Variants in RBFOX1 observed in about 807,000 individuals in gnomAD.
The protein encoded by RBFOX1 is RNA binding fox-1 homolog 1.
RBFOX1 carries 8 observed loss-of-function variants against 57.7 expected under a neutral mutation model. The observed-to-expected ratio is 0.14, with a 90% confidence interval of 0.08 to 0.25. The LOEUF is 0.25. Ranked by LOEUF, RBFOX1 falls within the 10% of genes least tolerant of loss-of-function variation. The pLI is 1.00. For synonymous variants in RBFOX1, 326 were observed against 222.4 expected (o/e 1.47, Z -4.15); for missense variants, 611 against 548.5 (o/e 1.11, Z -1.14).
At chr16:6,532,553 C>G (rs1382272596) in intron 2 of RBFOX1, among the ~76,000 whole-genome samples, 1 of 152,168 alleles carries the variant, frequency 6.6e-6, no homozygotes, top group Non-Finnish European at 1.5e-5. Flanking sequence ...ATATTCATCT[C>G]CCTCATGCTG....
At chr16:6,852,477 G>A (rs1396517277) in intron 3 of RBFOX1, among the ~76,000 whole-genome samples, 2 of 152,156 alleles carry the variant, frequency 1.3e-5, no homozygotes, top group African/African-American at 4.8e-5. Flanking sequence ...TGGCTTATTA[G>A]GGTAAGTGTG....
At chr16:6,390,070 G>C (rs2092518373) in intron 2 of RBFOX1, among the ~76,000 whole-genome samples, 1 of 152,206 alleles carries the variant, frequency 6.6e-6, no homozygotes, top group South Asian at 2.1e-4. Flanking sequence ...ACGGATACCT[G>C]AGAGAAGTCC....
chr16:6,309,958 A>G (rs2080037917), intron 1 of RBFOX1, among the ~76,000 whole-genome samples: 1 of 152,200 alleles, frequency 6.6e-6, no homozygotes, highest in African/African-American at 2.4e-5. Context: ...GTGCAGTGGC[A>G]CGATCTCAGC....
chr16:7,585,712 C>G (rs886850628), intron 6 of RBFOX1, among the ~76,000 whole-genome samples: 2 of 152,152 alleles, frequency 1.3e-5, no homozygotes, highest in Non-Finnish European at 2.9e-5. Flanking sequence ...TTTGTTTCTA[C>G]TGTTTCTGGG....
chr16:7,351,244 C>T (rs2097125082), intron 4 of RBFOX1, among the ~76,000 whole-genome samples: 1 of 152,222 alleles, frequency 6.6e-6, no homozygotes, highest in African/African-American at 2.4e-5. Context: ...TCTTTTACCT[C>T]TCTGAGCCTC....
chr16:6,498,256 C>A (rs809703), intron 2 of RBFOX1, among the ~76,000 whole-genome samples: 36,801 of 89,738 alleles, frequency 0.41, 5,488 homozygotes, highest in East Asian at 0.61. Flanking sequence ...CGTCTCAAAA[C>A]AAAAAAAAAA....
chr16:7,375,580 A>T (rs1208158957), intron 4 of RBFOX1, among the ~76,000 whole-genome samples: 1 of 150,678 alleles, frequency 6.6e-6, no homozygotes, highest in Non-Finnish European at 1.5e-5. Flanking sequence ...AAATGGGTTT[A>T]TACTCTTCTC....
intron 4 of RBFOX1, among the ~76,000 whole-genome samples, chr16:7,444,303 C>T (rs184431344): frequency 5.3e-5 from 8 of 152,096 alleles, no homozygotes; most frequent in African/African-American, 1.9e-4. Flanking sequence ...GGAACAGAGT[C>T]CCTAGGATTG....
At chr16:7,621,378 A>G (rs2059297512) in intron 10 of RBFOX1, among the ~76,000 whole-genome samples, 3 of 151,962 alleles carry the variant, frequency 2.0e-5, no homozygotes, top group Admixed American at 2.0e-4. Context: ...CTTGTGCCTC[A>G]GCCGCCCAAG....
At chr16:5,521,552 G>A (rs941469081) in intron 2 of RBFOX1, among the ~76,000 whole-genome samples, 24 of 152,180 alleles carry the variant, frequency 1.6e-4, no homozygotes, top group South Asian at 2.1e-4. Flanking sequence ...GAGTGAGGCC[G>A]CCATGATTGG....
rs578151902 is a variant in RBFOX1 at position 7,454,509 on chromosome 16, A to G, written c.28-63638A>G. 4.6e-5 allele frequency among the ~76,000 whole-genome samples: 7 copies of G among 152,338 alleles called. No individual in the cohort carries two copies. The South Asian group carries it at 1.2e-3, about 27-fold the overall frequency. On this transcript the variant is annotated intron_variant, in intron 4 of 15. Transcript: ENST00000550418. ...TTATAGATATGATCAAGTTGAGTTT[A>G]TAAGGTCCAGAATTCCCATGCATGT...
intron 4 of RBFOX1, among the ~76,000 whole-genome samples, chr16:6,010,393 C>T (rs778526089): frequency 2.0e-5 from 3 of 152,180 alleles, no homozygotes; most frequent in African/African-American, 7.2e-5. Flanking sequence ...TATACTAGCT[C>T]CAAGAAGTCT....
intron 3 of RBFOX1, among the ~76,000 whole-genome samples, chr16:5,785,857 C>T (rs12597118): frequency 0.35 from 52,552 of 151,950 alleles, 9,909 homozygotes; most frequent in East Asian, 0.55. Context: ...AAAAAATCTG[C>T]CTCTCTTCAT....
At chr16:6,992,875 A>T (rs916294994) in intron 3 of RBFOX1, among the ~76,000 whole-genome samples, 2 of 151,008 alleles carry the variant, frequency 1.3e-5, no homozygotes, top group Non-Finnish European at 2.9e-5. Flanking sequence ...ACTTCAATAT[A>T]TTCAGTGCCC....
intron 3 of RBFOX1, among the ~76,000 whole-genome samples, chr16:6,975,093 A>G (rs1300206075): frequency 6.6e-6 from 1 of 152,074 alleles, no homozygotes; most frequent in Non-Finnish European, 1.5e-5. Context: ...GAAAACCTCA[A>G]CAACACCTCA....
intron 1 of RBFOX1, among the ~76,000 whole-genome samples, chr16:6,162,520 C>T (rs979410469): frequency 6.6e-6 from 1 of 152,214 alleles, no homozygotes; most frequent in Non-Finnish European, 1.5e-5. Flanking sequence ...GTTTAAGGAA[C>T]GAAATGCAGG....
intron 4 of RBFOX1, among the ~76,000 whole-genome samples, chr16:7,501,453 C>T (rs987025131): frequency 9.9e-5 from 15 of 152,142 alleles, no homozygotes; most frequent in Admixed American, 2.0e-4. Flanking sequence ...CTGTGCTTGC[C>T]ATTCCAATAG....
intron 3 of RBFOX1, among the ~76,000 whole-genome samples, chr16:6,894,510 C>G (rs563859415): frequency 1.3e-5 from 2 of 152,304 alleles, no homozygotes; most frequent in African/African-American, 4.8e-5. Context: ...TCTGTTCACA[C>G]CTGCTCTCCA....
chr16:6,372,459 T>G (rs2090574948), intron 2 of RBFOX1, among the ~76,000 whole-genome samples: 1 of 148,310 alleles, frequency 6.7e-6, no homozygotes, highest in Non-Finnish European at 1.5e-5. Flanking sequence ...GTTAGGATCT[T>G]TGGGTAGGAG....
Sources: allele counts gnomAD v4.1 joint callset (sites outside exome capture counted in the v4.1 genomes callset), GRCh38; gene constraint gnomAD v4.1.1; transcripts MANE v1.5; gene names NCBI Gene and HGNC (gene_info 2026-07-23, HGNC 2026-07-21).